TMEM214: variants seen among roughly 807,000 people sequenced by gnomAD.
TMEM214 encodes the protein transmembrane protein 214.
TMEM214 carries 71 observed loss-of-function variants against 89.8 expected under a neutral mutation model. That is an observed-to-expected ratio of 0.79 (90% CI 0.65 to 0.96). The LOEUF (loss-of-function observed/expected upper bound fraction) is 0.96, where lower values mean the gene tolerates loss of function less well. Among genes scored for constraint, TMEM214 ranks in the 40% least tolerant of loss-of-function variants. The pLI is 0.00. For synonymous variants in TMEM214, 332 were observed against 349.5 expected (o/e 0.95, Z 0.56); for missense variants, 754 against 843.4 (o/e 0.89, Z 1.31).
Position 27,038,023 on chromosome 2 carries a change from AC to A in TMEM214, c.1153-119del. The stretch of plus-strand genomic sequence containing the variant: ...TCTGGAGTCTTGACACTGTTTCTCC[AC>A]CCCTTAGGGTGGATGTGCGGCCTGG... On this transcript the variant is annotated intron_variant, in intron 9 of 16. Transcript: ENST00000238788. This position sits in a 1 kb window ranked among gnomAD's most constrained non-coding sequence, Gnocchi z 4.4. 1 of 1,603,688 alleles carries A rather than the reference AC, an allele frequency of 6.2e-7. No individual in the cohort carries two copies. The highest frequency in any genetic ancestry group is 8.5e-7 in the Non-Finnish European group (1 of 1,176,038).
chr2:27,037,593 G>A lies in TMEM214; in HGVS notation c.1043G>A (p.Arg348Gln), dbSNP rs778299413. Residue 348 changes from arginine to glutamine, a missense_variant, in exon 9 of 17, where the codon CGA becomes CAA. Coordinates refer to ENST00000238788, the MANE Select transcript of TMEM214 (RefSeq NM_017727.5). ...GAGCAGCTGTGTCAGCTCTACCCCCGACTGAAAGTGCTGGCATTTGGAGCA... is the reference window on the plus strand; with the variant it reads ...GAGCAGCTGTGTCAGCTCTACCCCCAACTGAAAGTGCTGGCATTTGGAGCA... The part of the protein sequence containing the change: ...LQEQLCQLYP[R>Q]LKVLAFGAKP... 2.0e-5 allele frequency: 33 copies of A among 1,613,926 alleles called. No homozygotes were observed. Among genetic ancestry groups the A allele is most frequent in the Middle Eastern group, 1.6e-4 (1 of 6,084 alleles).
At position 27,038,954 on chromosome 2, in the gene TMEM214, G is replaced by C; in HGVS notation, c.1408-93G>C. The stretch of plus-strand genomic sequence containing the variant: ...CTCCAGGATAATGTGAAGGCTTGAC[G>C]CTCTTTCGGGAAGGCCTGGCTTGAG... On this transcript the variant is annotated intron_variant, in intron 12 of 16. Coordinates refer to ENST00000238788, the MANE Select transcript of TMEM214 (RefSeq NM_017727.5). This position sits in a 1 kb window ranked among gnomAD's most constrained non-coding sequence, Gnocchi z 4.4. 6.7e-7 allele frequency: 1 copy of C among 1,485,616 alleles called. No homozygotes were observed. 92.0% of individuals were successfully genotyped at this position (1,485,616 alleles called of 1,614,324 possible).
In TMEM214 at chr2:27,034,259, T is replaced by A. The variant is rs758231251; in HGVS notation, c.344T>A (p.Leu115Gln). ...QGRFRSLEEA[L>Q]KALDVADLQK... Reference sequence around the variant, plus strand: ...CGCTTCCGCAGCCTGGAGGAAGCACTGAAAGCTGTGAGTGTGCCTAGACAT... The same window carrying A: ...CGCTTCCGCAGCCTGGAGGAAGCACAGAAAGCTGTGAGTGTGCCTAGACAT... Residue 115 changes from leucine to glutamine, a missense_variant, in exon 2 of 17, where the codon CTG becomes CAG. Transcript: ENST00000238788. 6 of 1,613,442 alleles carry A rather than the reference T, an allele frequency of 3.7e-6. No homozygotes were observed. In the East Asian group the frequency reaches 8.9e-5, roughly 24 times the overall value.
intron 3 of TMEM214, 84 bp from the exon 4 acceptor site, chr2:27,035,510 C>G: frequency 6.4e-7 from 1 of 1,573,484 alleles, no homozygotes. Flanking sequence ...TGCCTCCACT[C>G]ACCATTCCCA....
chr2:27,036,558 A>G lies in TMEM214; in HGVS notation c.792A>G (p.Gln264=), dbSNP rs1667571742. The G allele has an allele frequency of 1.2e-6, 2 of 1,614,222 alleles. No individual in the cohort carries two copies. Among genetic ancestry groups the G allele is most frequent in the Non-Finnish European group, 8.5e-7 (1 of 1,180,028 alleles). The part of the protein sequence containing the change: ...KCLTIMWALG[Q]AGFANLTEGL... ...TCACCATCATGTGGGCCCTGGGTCA[A>G]GCAGGTTTTGCCAACCTCACCGAGG... Residue 264 remains glutamine, a synonymous_variant, in exon 6 of 17, where the codon CAA becomes CAG. Coordinates refer to ENST00000238788, the MANE Select transcript of TMEM214 (RefSeq NM_017727.5).
At chr2:27,037,754 G>A (rs574726399) in intron 9 of TMEM214, 52 bp downstream of exon 9, 39 of 1,613,914 alleles carry the variant, frequency 2.4e-5, no homozygotes, top group African/African-American at 6.7e-5. Context: ...CAGCTGTAGC[G>A]GTCCCTATCT....
Position 27,035,741 on chromosome 2 carries a change from C to T in TMEM214, c.637+13C>T, listed in dbSNP as rs536570509. ...GATAAGACACCAGGTGAAAGGGGCA[C>T]GGGAGGGATGACCATCTTGGGAGCC... On this transcript the variant is annotated intron_variant, in intron 4 of 16. Coordinates refer to ENST00000238788, the MANE Select transcript of TMEM214 (RefSeq NM_017727.5). 39 of 1,614,124 alleles carry T rather than the reference C, an allele frequency of 2.4e-5. No homozygotes were observed. Among genetic ancestry groups the T allele is most frequent in the South Asian group, 6.6e-5 (6 of 91,080 alleles).
chr2:27,039,064 T>A lies in TMEM214; in HGVS notation c.1425T>A (p.Val475=), dbSNP rs763143527. ...CCCACCAGGGCCTGTTGCAGCAGGT[T>A]CAGGGTCCTCGGCTGCCCTGGACGC... The part of the protein sequence containing the change: ...DMACKGLLQQ[V]QGPRLPWTRL... The change falls in exon 13 of 17, where the codon GTT becomes GTA. Residue 475 remains valine (V), a synonymous_variant. Transcript: ENST00000238788. The A allele has an allele frequency of 1.2e-6, 2 of 1,613,714 alleles. No homozygotes were observed. The highest frequency in any genetic ancestry group is 1.7e-6 in the Non-Finnish European group (2 of 1,180,026).
chr2:27,039,268 G>A, intron 13 of TMEM214, 104 bp downstream of exon 13: 1 of 969,242 alleles, frequency 1.0e-6, no homozygotes, highest in Non-Finnish European at 1.6e-6. Flanking sequence ...GTCCTGACGA[G>A]TTCTCAATCC....
intron 1 of TMEM214, 69 bp from the exon 2 acceptor site, chr2:27,033,998 G>A: frequency 6.5e-7 from 1 of 1,529,106 alleles, no homozygotes; most frequent in Non-Finnish European, 9.0e-7. Context: ...GTGGGGAAAG[G>A]GACCACTGAT....
chr2:27,036,642 T>A, intron 6 of TMEM214, 50 bp downstream of exon 6: 1 of 1,613,108 alleles, frequency 6.2e-7, no homozygotes, highest in African/African-American at 1.3e-5. Context: ...GCTGGAAAAC[T>A]CCTCTTTGAT....
chr2:27,039,403 T>TA (rs1667722340), intron 13 of TMEM214: 3 of 592,112 alleles, frequency 5.1e-6, no homozygotes, highest in Non-Finnish European at 6.0e-6. Context: ...TAGTAGGTGT[T>TA]ACCTCCTTTT....
intron 13 of TMEM214, 97 bp from the exon 14 acceptor site, chr2:27,039,644 C>A: frequency 9.4e-7 from 1 of 1,069,106 alleles, no homozygotes; most frequent in Non-Finnish European, 1.5e-6. Flanking sequence ...AAGCTCTGCC[C>A]AGCGCCTCGC....
At position 27,039,144 on chromosome 2, in the gene TMEM214, G is replaced by A. The variant is rs201543719; in HGVS notation, c.1505G>A (p.Arg502Gln). Residue 502 changes from arginine to glutamine, a missense_variant, in exon 13 of 17, where the codon CGG becomes CAG. Transcript: ENST00000238788. ...GTAGGCTTCCTGTGCCATGACCTCC[G>A]GTCACACAGCTCCTTCCAGGGTAAG... is the stretch of plus-strand genomic sequence containing the variant. The part of the protein sequence containing the change: ...FAVGFLCHDL[R>Q]SHSSFQASLT... The A allele has an allele frequency of 7.3e-4, 1,183 of 1,613,604 alleles. No homozygotes were observed. Among genetic ancestry groups the A allele is most frequent in the Non-Finnish European group, 9.5e-4 (1,123 of 1,180,024 alleles).
At position 27,039,169 on chromosome 2, in the gene TMEM214, G is replaced by A. The variant is rs1386627265; in HGVS notation, c.1525+5G>A. The A allele has an allele frequency of 3.1e-6, 5 of 1,612,394 alleles. No homozygotes were observed. The highest frequency in any genetic ancestry group is 4.2e-6 in the Non-Finnish European group (5 of 1,179,122). ...GGTCACACAGCTCCTTCCAGGGTAA[G>A]CAGCAATGGGCAAGCGAGGAGGATG... is the stretch of plus-strand genomic sequence containing the variant. On this transcript the variant is annotated splice_donor_5th_base_variant and intron_variant, in intron 13 of 16. Transcript: ENST00000238788.
chr2:27,038,904 C>A lies in TMEM214; in HGVS notation c.1407+89C>A. On this transcript the variant is annotated intron_variant, in intron 12 of 16. Transcript: ENST00000238788. This position sits in a 1 kb window ranked among gnomAD's most constrained non-coding sequence, Gnocchi z 4.4. ...GTTGGGCCTGTATCACATTCCTGCC[C>A]CACCTGTCTGGAGCCCCCCGCTGCC... is the stretch of plus-strand genomic sequence containing the variant. The A allele has an allele frequency of 7.0e-7, 1 of 1,426,444 alleles. No homozygotes were observed. The highest frequency in any genetic ancestry group is 9.8e-7 in the Non-Finnish European group (1 of 1,016,664). The allele number at this position is 1,426,444 out of a possible 1,614,324, so 88.4% of individuals were successfully genotyped here.
rs1485299817 is a variant in TMEM214, at chr2:27,038,414, C to A, written c.1245-70C>A. 11 of 1,598,058 alleles carry A rather than the reference C, an allele frequency of 6.9e-6. No individual in the cohort carries two copies. The African/African-American group carries it at 1.5e-4, about 21-fold the overall frequency. On this transcript the variant is annotated intron_variant, in intron 10 of 16. Transcript: ENST00000238788. The surrounding 1 kb of genome is among the most constrained non-coding windows in gnomAD (Gnocchi z 4.4). ...GTCTTTCAGCCTGAAGGAGCCAGGG[C>A]TAATGGAGGACAGGAGGATGGGTGA...
chr2:27,039,947 C>T (rs1667757514), intron 14 of TMEM214, 83 bp from the exon 15 acceptor site: 3 of 1,594,318 alleles, frequency 1.9e-6, no homozygotes, highest in South Asian at 1.1e-5. Flanking sequence ...TTCCCACGGC[C>T]TCCCTTTCCC....
chr2:27,039,911 C>T (rs981745102), intron 14 of TMEM214, 74 bp downstream of exon 14: 6 of 1,598,790 alleles, frequency 3.8e-6, no homozygotes, highest in Non-Finnish European at 3.4e-6. Context: ...AGGCGACAGT[C>T]AGTGGGAAGC....
Sources: gnomAD v4.1 joint callset for allele counts on GRCh38, gnomAD v4.1.1 for gene constraint, Gnocchi (gnomAD v3.1) non-coding constraint, MANE v1.5 for transcripts, NCBI Gene and HGNC (gene_info 2026-07-23, HGNC 2026-07-21) for gene names.